CA10: variants seen among roughly 807,000 people sequenced by gnomAD.
The protein encoded by CA10 is carbonic anhydrase 10 (inactive).
A neutral mutation model predicts 44.2 loss-of-function variants in CA10; 14 were observed. The observed-to-expected ratio is 0.32, with a 90% CI of 0.21 to 0.50. CA10 has a LOEUF of 0.50. Among genes scored for constraint, CA10 ranks in the 20% least tolerant of loss-of-function variants. The pLI is 0.99. For synonymous variants in CA10, 159 were observed against 141.6 expected (o/e 1.12, Z -0.87); for missense variants, 350 against 409.7 (o/e 0.85, Z 1.26).
At chr17:52,127,266 T>C (rs576668430) in intron 1 of CA10, among the ~76,000 whole-genome samples, 50 of 152,370 alleles carry the variant, frequency 3.3e-4, no homozygotes, top group Non-Finnish European at 6.9e-4. Flanking sequence ...CTTTACCATG[T>C]GGGGACATCG....
intron 3 of CA10, among the ~76,000 whole-genome samples, chr17:51,870,803 T>A (rs1010198003): frequency 2.0e-5 from 3 of 152,128 alleles, no homozygotes; most frequent in South Asian, 4.1e-4. Context: ...AACATGTGTA[T>A]CCCTAGAAAG....
chr17:52,081,251 CAG>C (rs1243618119), intron 1 of CA10, among the ~76,000 whole-genome samples: 1 of 152,088 alleles, frequency 6.6e-6, no homozygotes, highest in Non-Finnish European at 1.5e-5. Context: ...GACACTTAAT[CAG>C]AGATTTAAAT....
rs140174912 is a variant in CA10, at chr17:52,103,107, C to T, written c.62-30714G>A. On this transcript the variant is annotated intron_variant, in intron 1 of 8. Transcript: ENST00000451037. ...CTGGAGATTTTGAAACTACAAAGAA[C>T]GTCACTAGATCTTTTGAATCAGAGT... Among the ~76,000 whole-genome samples the T allele has an allele frequency of 3.5e-3, 537 of 152,212 alleles. 3 individuals carry two copies. The highest frequency in any genetic ancestry group is 5.5e-3 in the Non-Finnish European group (372 of 68,020).
intron 2 of CA10, among the ~76,000 whole-genome samples, chr17:51,959,254 C>A (rs1332224467): frequency 1.5e-5 from 2 of 133,658 alleles, no homozygotes; most frequent in African/African-American, 2.8e-5. Flanking sequence ...AACTAGGTTC[C>A]TATTGTTCTC....
chr17:51,684,757 C>T (rs1191084080), intron 4 of CA10, among the ~76,000 whole-genome samples: 2 of 152,202 alleles, frequency 1.3e-5, no homozygotes, highest in Admixed American at 1.3e-4. Context: ...AGAGTTGGTG[C>T]TCTCAAAGTG....
At chr17:51,749,516 AT>A (rs1280555869) in intron 3 of CA10, among the ~76,000 whole-genome samples, 15 of 152,230 alleles carry the variant, frequency 9.9e-5, no homozygotes. Flanking sequence ...CCCAGCTGAG[AT>A]CAGCTTAGCC....
At chr17:51,718,755 T>C (rs1240411323) in intron 4 of CA10, among the ~76,000 whole-genome samples, 2 of 152,184 alleles carry the variant, frequency 1.3e-5, no homozygotes, top group Admixed American at 6.5e-5. Context: ...AGTGTCAGAA[T>C]TGAATTGAAT....
intron 3 of CA10, among the ~76,000 whole-genome samples, chr17:51,871,394 ATTT>A: frequency 1.2e-5 from 1 of 81,292 alleles, no homozygotes; most frequent in African/African-American, 5.0e-5. Flanking sequence ...ACCAGGCCTA[ATTT>A]TTTTTTTTTT....
At chr17:51,947,002 T>C (rs781400871) in intron 2 of CA10, among the ~76,000 whole-genome samples, 2 of 151,950 alleles carry the variant, frequency 1.3e-5, no homozygotes, top group South Asian at 2.1e-4. Context: ...AATTAGGGTA[T>C]CTAAATTGAA....
chr17:51,786,496 G>C (rs1220353586), intron 3 of CA10, among the ~76,000 whole-genome samples: 1 of 152,206 alleles, frequency 6.6e-6, no homozygotes, highest in Non-Finnish European at 1.5e-5. Flanking sequence ...AGGTTTTAGT[G>C]AGCTGAGATT....
intron 3 of CA10, among the ~76,000 whole-genome samples, chr17:51,849,229 GTGTGTATATA>G (rs1978666405): frequency 7.2e-5 from 2 of 27,948 alleles, no homozygotes; most frequent in African/African-American, 2.7e-4. Context: ...ACATATATGT[GTGTGTATATA>G]TATATATATA....
At chr17:51,880,309 T>G (rs756640510) in intron 3 of CA10, among the ~76,000 whole-genome samples, 1 of 152,038 alleles carries the variant, frequency 6.6e-6, no homozygotes, top group Non-Finnish European at 1.5e-5. Flanking sequence ...AAAAATATTT[T>G]TTTTTCTTTT....
chr17:52,080,334 C>T (rs2143168684), intron 1 of CA10, among the ~76,000 whole-genome samples: 1 of 152,030 alleles, frequency 6.6e-6, no homozygotes, highest in Admixed American at 6.5e-5. Flanking sequence ...CGCCTGTAGT[C>T]CCAGCTACTC....
intron 4 of CA10, among the ~76,000 whole-genome samples, chr17:51,704,214 G>A (rs75613959): frequency 0.077 from 11,659 of 151,708 alleles, 1,522 homozygotes; most frequent in African/African-American, 0.27. Flanking sequence ...CTATTCTTCC[G>A]GCCATTTATT....
intron 2 of CA10, among the ~76,000 whole-genome samples, chr17:51,994,982 A>G (rs567144399): frequency 1.3e-5 from 2 of 152,196 alleles, no homozygotes; most frequent in East Asian, 3.9e-4. Flanking sequence ...CTAGACTTTT[A>G]CTACTCACCA....
intron 3 of CA10, among the ~76,000 whole-genome samples, chr17:51,793,654 A>G (rs891871654): frequency 6.6e-6 from 1 of 152,238 alleles, no homozygotes; most frequent in Non-Finnish European, 1.5e-5. Flanking sequence ...CTCCTGCACA[A>G]TGGACAGTAG....
At chr17:51,700,081 G>T (rs183728829) in intron 4 of CA10, among the ~76,000 whole-genome samples, 37 of 152,306 alleles carry the variant, frequency 2.4e-4, no homozygotes, top group Admixed American at 2.0e-3. Flanking sequence ...GTGGCCATCA[G>T]GTGGTAGGCT....
Position 51,820,186 on chromosome 17 carries a change from C to A in CA10, c.280-72368G>T, listed in dbSNP as rs1364961777. ...CTCCAGAACATGAACCTGAGCGCCG[C>A]CCCCCCCCCCCCAGGTAATACCCCC... On this transcript the variant is annotated intron_variant, in intron 3 of 8. Transcript: ENST00000451037. 2.3e-3 allele frequency among the ~76,000 whole-genome samples: 21 copies of A among 8,994 alleles called. No individual in the cohort carries two copies. In the East Asian group the frequency reaches 0.16, roughly 70 times the overall value. The allele number at this position is 8,994 out of a possible 152,430, so 5.9% of individuals were successfully genotyped here. A position where few individuals can be genotyped will look rare whatever the true frequency, so the allele number is the denominator to read the frequency against.
intron 1 of CA10, among the ~76,000 whole-genome samples, chr17:52,100,251 C>G (rs1988506382): frequency 6.6e-6 from 1 of 152,080 alleles, no homozygotes; most frequent in South Asian, 2.1e-4. Context: ...GGGATCCAGA[C>G]CAAAGCATTA....
Sources: gnomAD v4.1 joint callset for allele counts (sites outside exome capture counted in the v4.1 genomes callset) on GRCh38, gnomAD v4.1.1 for gene constraint, MANE v1.5 for transcripts, NCBI Gene and HGNC (gene_info 2026-07-23, HGNC 2026-07-21) for gene names.